The following PCDHGA1 variants were observed in gnomAD, a reference collection of about 807,000 sequenced individuals.
PCDHGA1 encodes protocadherin gamma-A1.
Under a neutral mutation model 58.0 loss-of-function variants are expected in PCDHGA1, and 32 were observed. The observed-to-expected ratio is 0.55, with a 90% CI of 0.42 to 0.74. The LOEUF (loss-of-function observed/expected upper bound fraction) is 0.74. PCDHGA1 is among the 30% of genes least tolerant of loss of function. PCDHGA1 has a pLI of 0.00. For missense variants in PCDHGA1, 1,205 were observed against 1,182.3 expected (o/e 1.02, Z -0.28); for synonymous variants, 498 against 501.1 (o/e 0.99, Z 0.08).
At chr5:141,389,609 G>A (rs1188923316) in intron 1 of PCDHGA1, 3 of 1,612,966 alleles carry the variant, frequency 1.9e-6, no homozygotes, top group South Asian at 2.2e-5. Flanking sequence ...TCTTCGATAT[G>A]GTGCCGCACG....
intron 1 of PCDHGA1, chr5:141,419,490 C>G (rs2096390495): frequency 8.1e-6 from 13 of 1,612,414 alleles, no homozygotes; most frequent in Non-Finnish European, 1.1e-5. Context: ...GCGCTCAGCG[C>G]CAATGTGAGC....
chr5:141,400,736 G>A, intron 1 of PCDHGA1: 1 of 630,462 alleles, frequency 1.6e-6, no homozygotes, highest in Non-Finnish European at 2.7e-6. Context: ...AGTAGTGAGA[G>A]TTTGCTCTTA....
At chr5:141,353,883 G>T (rs994045852) in intron 1 of PCDHGA1, among the ~76,000 whole-genome samples, 5 of 152,292 alleles carry the variant, frequency 3.3e-5, no homozygotes, top group Non-Finnish European at 7.4e-5. Flanking sequence ...AAGTCTGAGG[G>T]TTTTTAAATT....
chr5:141,469,226 A>G (rs998643671), intron 1 of PCDHGA1, among the ~76,000 whole-genome samples: 1 of 152,066 alleles, frequency 6.6e-6, no homozygotes, highest in Non-Finnish European at 1.5e-5. Context: ...TCAGTGAGCC[A>G]TGATCACCCC....
At chr5:141,415,469 C>G (rs1247738517) in intron 1 of PCDHGA1, 1 of 1,614,090 alleles carries the variant, frequency 6.2e-7, no homozygotes, top group Non-Finnish European at 8.5e-7. Context: ...TCTCTCACCG[C>G]GGACTCGCGA....
chr5:141,393,657 C>G, intron 1 of PCDHGA1: 1 of 1,613,862 alleles, frequency 6.2e-7, no homozygotes, highest in Non-Finnish European at 8.5e-7. Context: ...ATACAAATTC[C>G]GGAAAATTAA....
At chr5:141,389,842 C>T (rs779733638) in intron 1 of PCDHGA1, 21 of 1,614,018 alleles carry the variant, frequency 1.3e-5, no homozygotes, top group Non-Finnish European at 1.7e-5. Context: ...CCACCACTCT[C>T]GGCCACTGCC....
intron 1 of PCDHGA1, chr5:141,395,104 G>A (rs1420682544): frequency 1.9e-6 from 3 of 1,614,028 alleles, no homozygotes; most frequent in Admixed American, 3.3e-5. Flanking sequence ...GCCGACTCGC[G>A]GAAGAGTCAC....
chr5:141,407,706 G>C (rs1350991580), intron 1 of PCDHGA1, among the ~76,000 whole-genome samples: 3 of 152,006 alleles, frequency 2.0e-5, no homozygotes, highest in Admixed American at 1.3e-4. Context: ...GTTGAAGGTG[G>C]GGTGATGGCT....
At chr5:141,345,561 A>G in intron 1 of PCDHGA1, 1 of 1,614,142 alleles carries the variant, frequency 6.2e-7, no homozygotes, top group African/African-American at 1.3e-5. Flanking sequence ...TATCAACTCC[A>G]ACACTGGCGT....
chr5:141,365,120 C>T, intron 1 of PCDHGA1: 1 of 1,613,898 alleles, frequency 6.2e-7, no homozygotes, highest in Non-Finnish European at 8.5e-7. Flanking sequence ...GCTGCTCATG[C>T]TAACCGCCAC....
In PCDHGA1 at chr5:141,477,854, C is replaced by G; in HGVS notation, c.2422-16953C>G. 3.1e-6 allele frequency: 5 copies of G among 1,614,098 alleles called. No individual in the cohort carries two copies. Among genetic ancestry groups the G allele is most frequent in the Non-Finnish European group, 4.2e-6 (5 of 1,180,004 alleles). ...GCCAGGTGGGAGCTCGGTGGAGATG[C>G]TGCCTCGAGGTACCTCAGCTGGCCA... On this transcript the variant is annotated intron_variant, in intron 1 of 3. Transcript: ENST00000517417. This position sits in a 1 kb window ranked among gnomAD's most constrained non-coding sequence, Gnocchi z 4.9.
At chr5:141,394,338 T>C in intron 1 of PCDHGA1, 2 of 1,614,048 alleles carry the variant, frequency 1.2e-6, no homozygotes, top group Non-Finnish European at 1.7e-6. Flanking sequence ...CTCCATCAAC[T>C]CTGACACCGG....
chr5:141,364,450 C>T, intron 1 of PCDHGA1: 3 of 1,613,980 alleles, frequency 1.9e-6, no homozygotes, highest in Non-Finnish European at 2.5e-6. Context: ...AGGAGCTGGA[C>T]AAAGGCTCCT....
At chr5:141,385,424 C>T in intron 1 of PCDHGA1, 2 of 1,461,926 alleles carry the variant, frequency 1.4e-6, no homozygotes, top group Non-Finnish European at 1.8e-6. Context: ...ATTTAAAAAA[C>T]TTTATAGAGG....
At chr5:141,400,102 G>C (rs376189143) in intron 1 of PCDHGA1, 35 of 1,614,084 alleles carry the variant, frequency 2.2e-5, no homozygotes, top group Non-Finnish European at 3.0e-5. Context: ...GCTGCACTTG[G>C]TCTTTGCTGA....
At chr5:141,371,242 A>T in intron 1 of PCDHGA1, 1 of 1,614,034 alleles carries the variant, frequency 6.2e-7, no homozygotes, top group South Asian at 1.1e-5. Context: ...GCCTTCATCA[A>T]TATTGGCAAG....
rs3805699 is a variant in PCDHGA1 at position 141,435,743 on chromosome 5, G to A, written c.2422-59064G>A. Among the ~76,000 whole-genome samples the A allele has an allele frequency of 9.2e-5, 14 of 152,198 alleles. No homozygotes were observed. The East Asian group carries it at 2.1e-3, about 23-fold the overall frequency. ...GCTAAAGTGTATTACTCTTTGAAAA[G>A]CATTGCTTGATTTCTTTTGGTGAAT... is the stretch of plus-strand genomic sequence containing the variant. On this transcript the variant is annotated intron_variant, in intron 1 of 3. Coordinates refer to ENST00000517417, the MANE Select transcript of PCDHGA1 (RefSeq NM_018912.3).
chr5:141,487,880 G>T lies in PCDHGA1; in HGVS notation c.2422-6927G>T, dbSNP rs1008153773. ...ATTGGTGATCAAGAGCCAGGCTGTTGTGGAAGCATGATGATGGAATGTGGG... is the reference window on the plus strand; with the variant it reads ...ATTGGTGATCAAGAGCCAGGCTGTTTTGGAAGCATGATGATGGAATGTGGG... On this transcript the variant is annotated intron_variant, in intron 1 of 3. Transcript: ENST00000517417. The surrounding 1 kb of genome is among the most constrained non-coding windows in gnomAD (Gnocchi z 5.0). The T allele has an allele frequency of 3.8e-6, 3 of 784,896 alleles. No individual in the cohort carries two copies. Among genetic ancestry groups the T allele is most frequent in the Non-Finnish European group, 6.0e-6 (3 of 497,074 alleles). 48.6% of individuals were successfully genotyped at this position (784,896 alleles called of 1,614,324 possible).
Sources: gnomAD v4.1 joint callset for allele counts (sites outside exome capture counted in the v4.1 genomes callset) on GRCh38, gnomAD v4.1.1 for gene constraint, Gnocchi (gnomAD v3.1) non-coding constraint, MANE v1.5 for transcripts, NCBI Gene and HGNC (gene_info 2026-07-23, HGNC 2026-07-21) for gene names.